The following RBM47 variants were observed in gnomAD, a reference collection of about 807,000 sequenced individuals.
RBM47 encodes the protein RNA binding motif protein 47.
Under a neutral mutation model 47.1 loss-of-function variants are expected in RBM47, and 21 were observed. The ratio of observed to expected loss-of-function variants is 0.45; its 90% confidence interval spans 0.32 to 0.64. The LOEUF (loss-of-function observed/expected upper bound fraction) is 0.64, where lower values mean the gene tolerates loss of function less well. Among genes scored for constraint, RBM47 ranks in the 30% least tolerant of loss-of-function variants. The pLI is 0.05. For missense variants in RBM47, 708 were observed against 870.9 expected (o/e 0.81, Z 2.35); for synonymous variants, 375 against 361.7 (o/e 1.04, Z -0.42).
At chr4:40,558,826 T>TAA (rs573205780) in intron 1 of RBM47, among the ~76,000 whole-genome samples, 9,919 of 129,668 alleles carry the variant, frequency 0.076, 586 homozygotes, top group African/African-American at 0.17. Flanking sequence ...AAACTCTGTC[T>TAA]AAAAAAAAAA....
intron 1 of RBM47, among the ~76,000 whole-genome samples, chr4:40,583,066 G>A (rs917375081): frequency 2.0e-5 from 3 of 152,186 alleles, no homozygotes; most frequent in Admixed American, 6.5e-5. Flanking sequence ...GGGAAAAGGA[G>A]CTTCAAGGTT....
chr4:40,471,422 G>T (rs1051238751), intron 2 of RBM47, among the ~76,000 whole-genome samples: 5 of 151,962 alleles, frequency 3.3e-5, no homozygotes, highest in Admixed American at 1.3e-4. Flanking sequence ...ATTTGGTCAG[G>T]CGCAGTGGCT....
At chr4:40,535,075 A>T (rs1727807668) in intron 2 of RBM47, among the ~76,000 whole-genome samples, 1 of 152,186 alleles carries the variant, frequency 6.6e-6, no homozygotes, top group Non-Finnish European at 1.5e-5. Context: ...CAAAATAGGA[A>T]TCCTAGCCCC....
chr4:40,464,890 CAAAAAAAAAAAAAA>C (rs71646997), intron 3 of RBM47, among the ~76,000 whole-genome samples: 17 of 32,082 alleles, frequency 5.3e-4, no homozygotes, highest in Non-Finnish European at 7.7e-4. Flanking sequence ...GACTCTGTCT[CAAAAAAAAAAAAAA>C]AAAAAAAAAA....
chr4:40,459,206 A>G (rs1189599102), intron 3 of RBM47, among the ~76,000 whole-genome samples: 1 of 152,214 alleles, frequency 6.6e-6, no homozygotes, highest in Non-Finnish European at 1.5e-5. Context: ...AAGCATCTCA[A>G]AGGCAGTGAT....
intron 1 of RBM47, among the ~76,000 whole-genome samples, chr4:40,552,488 T>C (rs751651784): frequency 1.3e-5 from 2 of 152,188 alleles, no homozygotes; most frequent in African/African-American, 2.4e-5. Context: ...TAAAAATTCA[T>C]CTAGTCCAGA....
In RBM47 at chr4:40,425,862, CA is replaced by C. The variant is rs1258793610; in HGVS notation, c.*41del. ...CTTCATAAATAGTCAAGCGTTCCTT[CA>C]GTGGTGTTTGTGTGGTCTGTCTTCG... On this transcript the variant is annotated 3_prime_UTR_variant, in exon 7 of 7. Coordinates refer to ENST00000295971, the MANE Select transcript of RBM47 (RefSeq NM_001098634.2). 6.3e-7 allele frequency: 1 copy of C among 1,598,042 alleles called. No homozygotes were observed. The highest frequency in any genetic ancestry group is 1.1e-5 in the South Asian group (1 of 90,178).
chr4:40,513,971 G>C, intron 2 of RBM47, among the ~76,000 whole-genome samples: 1 of 151,986 alleles, frequency 6.6e-6, no homozygotes, highest in East Asian at 1.9e-4. Flanking sequence ...CACCCACCTC[G>C]GCCTTCCAAA....
chr4:40,624,466 C>G (rs1178982562), intron 1 of RBM47, among the ~76,000 whole-genome samples: 3 of 152,192 alleles, frequency 2.0e-5, no homozygotes, highest in African/African-American at 7.2e-5. Context: ...CTCCTCCATG[C>G]CAGCATGCTG....
intron 2 of RBM47, among the ~76,000 whole-genome samples, chr4:40,531,233 G>A (rs143604926): frequency 3.5e-4 from 54 of 152,244 alleles, no homozygotes; most frequent in African/African-American, 1.2e-3. Context: ...GGAAGGAGTT[G>A]AGGTGAGCTT....
At chr4:40,447,860 A>C (rs1714776002) in intron 3 of RBM47, among the ~76,000 whole-genome samples, 1 of 152,150 alleles carries the variant, frequency 6.6e-6, no homozygotes, top group African/African-American at 2.4e-5. Context: ...AATACAAAAA[A>C]ATTAGCCGGG....
At chr4:40,583,160 C>T (rs1392754823) in intron 1 of RBM47, among the ~76,000 whole-genome samples, 1 of 152,072 alleles carries the variant, frequency 6.6e-6, no homozygotes, top group Admixed American at 6.6e-5. Flanking sequence ...AGCACAGTGG[C>T]TCACGCCTGT....
intron 1 of RBM47, among the ~76,000 whole-genome samples, chr4:40,607,343 G>T: frequency 6.6e-6 from 1 of 152,168 alleles, no homozygotes; most frequent in South Asian, 2.1e-4. Context: ...GGTTGCCAGG[G>T]GATGGGAGAG....
chr4:40,532,690 G>A (rs1727532270), intron 2 of RBM47, among the ~76,000 whole-genome samples: 1 of 149,056 alleles, frequency 6.7e-6, no homozygotes, highest in African/African-American at 2.5e-5. Context: ...GAGACGCCTG[G>A]CCCATACGTC....
chr4:40,437,722 G>A (rs769416177), intron 4 of RBM47, 49 bp downstream of exon 4: 12 of 1,519,188 alleles, frequency 7.9e-6, no homozygotes, highest in Non-Finnish European at 9.9e-6. Context: ...CCCCTGCCTA[G>A]GAGGCAACGT....
chr4:40,482,676 G>T (rs1406565561), intron 2 of RBM47, among the ~76,000 whole-genome samples: 2 of 152,184 alleles, frequency 1.3e-5, no homozygotes, highest in African/African-American at 4.8e-5. Context: ...CCTCTTTCCT[G>T]AAGAATGTTC....
rs1441848817 is a variant in RBM47, at chr4:40,535,369, TTC to T, written c.-155+9051_-155+9052del. Among the ~76,000 whole-genome samples the T allele has an allele frequency of 3.5e-3, 470 of 136,186 alleles. 7 individuals are homozygous for T. The highest frequency in any genetic ancestry group is 0.014 in the African/African-American group (420 of 30,974). The allele number at this position is 136,186 out of a possible 152,430, so 89.3% of individuals were successfully genotyped here. On this transcript the variant is annotated intron_variant, in intron 2 of 6. Transcript: ENST00000295971. ...TTTTCATACCAGCCTGGTATGGTAT[TTC>T]TTTTTTTTTTTTTTTTTTTGAGACG...
intron 1 of RBM47, among the ~76,000 whole-genome samples, chr4:40,557,353 T>C (rs562876604): frequency 6.6e-6 from 1 of 152,324 alleles, no homozygotes; most frequent in East Asian, 1.9e-4. Flanking sequence ...TGGCTGTTCC[T>C]ACTAGACTGT....
At chr4:40,586,711 A>C (rs1308781308) in intron 1 of RBM47, among the ~76,000 whole-genome samples, 1 of 151,452 alleles carries the variant, frequency 6.6e-6, no homozygotes, top group African/African-American at 2.4e-5. Flanking sequence ...GAGAAGGTGG[A>C]CCTTGGAAGC....
Sources: allele counts gnomAD v4.1 joint callset (sites outside exome capture counted in the v4.1 genomes callset), GRCh38; gene constraint gnomAD v4.1.1; transcripts MANE v1.5; gene names NCBI Gene and HGNC (gene_info 2026-07-23, HGNC 2026-07-21).